Variants in TPD52L1 observed in about 807,000 individuals in gnomAD.
The protein encoded by TPD52L1 is tumor protein D53.
TPD52L1 carries 18 observed loss-of-function variants against 28.7 expected under a neutral mutation model. That is an observed-to-expected ratio of 0.63 (90% CI 0.43 to 0.93). TPD52L1 has a LOEUF of 0.93. Ranked by LOEUF, TPD52L1 falls within the 40% of genes least tolerant of loss-of-function variation. The pLI is 0.00. For synonymous variants in TPD52L1, 75 were observed against 88.8 expected (o/e 0.84, Z 0.88); for missense variants, 203 against 254.8 (o/e 0.80, Z 1.39).
At chr6:125,205,705 A>C (rs1050375276) in intron 1 of TPD52L1, among the ~76,000 whole-genome samples, 1 of 152,186 alleles carries the variant, frequency 6.6e-6, no homozygotes, top group Non-Finnish European at 1.5e-5. Flanking sequence ...ACTTTCTGCT[A>C]TCTTTAGTAT....
chr6:125,178,652 A>T lies in TPD52L1; in HGVS notation c.19+24682A>T, dbSNP rs1227230984. ...AAACAAAACAAAACAAAACAAAACA[A>T]AACAAAATATATATATATATATATT... On this transcript the variant is annotated intron_variant, in intron 1 of 6. Coordinates refer to ENST00000534000, the MANE Select transcript of TPD52L1 (RefSeq NM_003287.4). 5.8e-3 allele frequency among the ~76,000 whole-genome samples: 700 copies of T among 120,046 alleles called. 9 individuals are homozygous for T. Among genetic ancestry groups the T allele is most frequent in the African/African-American group, 0.019 (644 of 33,514 alleles). The allele number at this position is 120,046 out of a possible 152,430, so 78.8% of individuals were successfully genotyped here.
At chr6:125,175,950 G>A (rs1791797550) in intron 1 of TPD52L1, among the ~76,000 whole-genome samples, 2 of 152,170 alleles carry the variant, frequency 1.3e-5, no homozygotes, top group Admixed American at 1.3e-4. Context: ...TGTTTTGAGT[G>A]TCCCTGTTCT....
In TPD52L1 at chr6:125,187,795, T is replaced by C. The variant is rs73771264; in HGVS notation, c.20-32283T>C. Among the ~76,000 whole-genome samples the C allele has an allele frequency of 2.6e-3, 403 of 152,266 alleles. 2 individuals carry two copies. Among genetic ancestry groups the C allele is most frequent in the African/African-American group, 9.4e-3 (389 of 41,540 alleles). On this transcript the variant is annotated intron_variant, in intron 1 of 6. Transcript: ENST00000534000. ...GTATGTACACACATACACACACACA[T>C]TGCCAAAGAATAAATGAAATCTTGT...
intron 1 of TPD52L1, among the ~76,000 whole-genome samples, chr6:125,164,133 T>C (rs1272399617): frequency 6.6e-6 from 1 of 152,174 alleles, no homozygotes; most frequent in Non-Finnish European, 1.5e-5. Context: ...TATAGGTACT[T>C]TGTATGCACA....
At chr6:125,194,813 T>C (rs1793306629) in intron 1 of TPD52L1, among the ~76,000 whole-genome samples, 1 of 152,234 alleles carries the variant, frequency 6.6e-6, no homozygotes, top group Admixed American at 6.5e-5. Context: ...GGTTAAAGCA[T>C]TTAATGTTTT....
At chr6:125,238,045 A>T (rs1196609511) in intron 3 of TPD52L1, among the ~76,000 whole-genome samples, 1 of 152,208 alleles carries the variant, frequency 6.6e-6, no homozygotes, top group Admixed American at 6.5e-5. Context: ...GCATCCTAAA[A>T]ATATAACTGT....
intron 1 of TPD52L1, among the ~76,000 whole-genome samples, chr6:125,167,609 T>A: frequency 6.6e-6 from 1 of 152,222 alleles, no homozygotes; most frequent in East Asian, 1.9e-4. Context: ...CAAATGTTTC[T>A]GAATTTTTAC....
rs1797417551 is a variant in TPD52L1, at chr6:125,253,714, A to T, written c.387-3A>T. ...TCCCCTTTAATCTGCTTTTGCTCTG[A>T]AGTTACTCCATTCGCCATTCCATAA... On this transcript the variant is annotated splice_polypyrimidine_tract_variant and splice_region_variant and intron_variant, in intron 4 of 6. Transcript: ENST00000534000. 6.2e-7 allele frequency: 1 copy of T among 1,613,040 alleles called. No individual in the cohort carries two copies. Among genetic ancestry groups the T allele is most frequent in the Non-Finnish European group, 8.5e-7 (1 of 1,179,666 alleles).
intron 1 of TPD52L1, among the ~76,000 whole-genome samples, chr6:125,215,707 AC>A (rs982199373): frequency 1.3e-5 from 2 of 152,180 alleles, no homozygotes; most frequent in Non-Finnish European, 2.9e-5. Context: ...AGTGGAAGCT[AC>A]CGGCTGGGTA....
chr6:125,168,302 C>CTTGATGACTCTTG (rs945570558), intron 1 of TPD52L1, among the ~76,000 whole-genome samples: 1 of 152,090 alleles, frequency 6.6e-6, no homozygotes, highest in Non-Finnish European at 1.5e-5. Context: ...ACTCTTGACC[C>CTTGATGACTCTTG]ATCATAACGG....
chr6:125,214,959 T>C (rs1239713452), intron 1 of TPD52L1, among the ~76,000 whole-genome samples: 1 of 152,162 alleles, frequency 6.6e-6, no homozygotes, highest in Non-Finnish European at 1.5e-5. Flanking sequence ...ATTCCAGATC[T>C]CCTGACTCCC....
chr6:125,193,643 C>T (rs1186505655), intron 1 of TPD52L1, among the ~76,000 whole-genome samples: 1 of 151,998 alleles, frequency 6.6e-6, no homozygotes, highest in African/African-American at 2.4e-5. Flanking sequence ...AAAATATATA[C>T]ATGAAAAGAT....
rs529875583 is a variant in TPD52L1, at chr6:125,168,837, C to T, written c.19+14867C>T. 9.9e-5 allele frequency among the ~76,000 whole-genome samples: 15 copies of T among 152,258 alleles called. 1 individual carries two copies. In the East Asian group the frequency reaches 1.4e-3, roughly 14 times the overall value. ...TGTTCTTTTTATCCCTTCTCCCATA[C>T]TGAGGGAAAATAAATGTTTTGGTTT... On this transcript the variant is annotated intron_variant, in intron 1 of 6. Coordinates refer to ENST00000534000, the MANE Select transcript of TPD52L1 (RefSeq NM_003287.4).
Position 125,257,144 on chromosome 6 carries a change from G to T in TPD52L1, c.472G>T (p.Val158Phe), listed in dbSNP as rs1376064529. Residue 158 changes from valine to phenylalanine, a missense_variant, in exon 6 of 7, where the codon GTC (valine) becomes TTC (phenylalanine). Val to Phe is a conservative substitution (Grantham distance 50). Coordinates refer to ENST00000534000, the MANE Select transcript of TPD52L1 (RefSeq NM_003287.4). ...ATTTGAGGAGAGGGTTGAGACAACT[G>T]TCACAAGCCTCAAGGTACAGATGAA... ...KSFEERVETT[V>F]TSLKTKVGGT... The T allele has an allele frequency of 4.3e-6, 7 of 1,611,824 alleles. No homozygotes were observed. Among genetic ancestry groups the T allele is most frequent in the Non-Finnish European group, 5.1e-6 (6 of 1,178,532 alleles).
intron 5 of TPD52L1, among the ~76,000 whole-genome samples, chr6:125,255,995 GT>G (rs1204246359): frequency 6.6e-6 from 1 of 152,158 alleles, no homozygotes; most frequent in Non-Finnish European, 1.5e-5. Context: ...GAAGTTTTTA[GT>G]GCTTAAAGCA....
intron 4 of TPD52L1, among the ~76,000 whole-genome samples, chr6:125,251,805 T>C (rs893004950): frequency 1.3e-5 from 2 of 152,232 alleles, no homozygotes; most frequent in African/African-American, 2.4e-5. Context: ...CCAATCATTG[T>C]TATATACTTA....
At chr6:125,201,121 G>A (rs905794099) in intron 1 of TPD52L1, among the ~76,000 whole-genome samples, 1 of 152,138 alleles carries the variant, frequency 6.6e-6, no homozygotes, top group African/African-American at 2.4e-5. Flanking sequence ...AGCAAAGCAA[G>A]GTACCAAAGA....
chr6:125,176,886 A>G (rs1246603075), intron 1 of TPD52L1, among the ~76,000 whole-genome samples: 1 of 151,980 alleles, frequency 6.6e-6, no homozygotes, highest in Non-Finnish European at 1.5e-5. Flanking sequence ...AAAAATAAAA[A>G]AATTAGCTGG....
At chr6:125,179,503 T>C (rs1436223659) in intron 1 of TPD52L1, among the ~76,000 whole-genome samples, 1 of 152,216 alleles carries the variant, frequency 6.6e-6, no homozygotes, top group Non-Finnish European at 1.5e-5. Context: ...ATGCTAGTTT[T>C]CCTTACTATT....
Sources: allele counts gnomAD v4.1 joint callset (sites outside exome capture counted in the v4.1 genomes callset), GRCh38; gene constraint gnomAD v4.1.1; transcripts MANE v1.5; gene names NCBI Gene and HGNC (gene_info 2026-07-23, HGNC 2026-07-21).